TASP1: variants seen among roughly 807,000 people sequenced by gnomAD.
TASP1 encodes the protein taspase 1, also known as threonine aspartase 1.
Under a neutral mutation model 56.6 loss-of-function variants are expected in TASP1, and 16 were observed. That is an observed-to-expected ratio of 0.28 (90% CI 0.19 to 0.43). The LOEUF (loss-of-function observed/expected upper bound fraction) is 0.43. TASP1 is among the 20% of genes least tolerant of loss of function. The probability of loss-of-function intolerance (pLI) is 1.00; values close to 1 mark genes in which losing one functional copy is unlikely to be tolerated. For synonymous variants in TASP1, 179 were observed against 184.2 expected (o/e 0.97, Z 0.23); for missense variants, 393 against 511.6 (o/e 0.77, Z 2.24).
chr20:13,595,663 C>T (rs6033766), intron 4 of TASP1, among the ~76,000 whole-genome samples: 60,053 of 151,938 alleles, frequency 0.4, 12,447 homozygotes, highest in East Asian at 0.55. Flanking sequence ...ATCAATTCAA[C>T]AAAAAGAGCT....
intron 10 of TASP1, among the ~76,000 whole-genome samples, chr20:13,485,257 G>A (rs1239364124): frequency 6.6e-6 from 1 of 152,146 alleles, no homozygotes; most frequent in East Asian, 1.9e-4. Flanking sequence ...AGTCATAGCA[G>A]ATTAGAAATA....
At chr20:13,423,381 T>A (rs1156707068) in intron 12 of TASP1, among the ~76,000 whole-genome samples, 1 of 152,224 alleles carries the variant, frequency 6.6e-6, no homozygotes, top group Non-Finnish European at 1.5e-5. Flanking sequence ...CTTAACAATG[T>A]ATTGATCTCT....
the TASP1 span, among the ~76,000 whole-genome samples, chr20:13,308,901 T>G: frequency 6.6e-6 from 1 of 152,090 alleles, no homozygotes; most frequent in African/African-American, 2.4e-5. Flanking sequence ...TTCCACCATG[T>G]AAGCACAAAA....
chr20:13,131,729 C>G, the TASP1 span, among the ~76,000 whole-genome samples: 10 of 152,342 alleles, frequency 6.6e-5, 1 homozygote, highest in South Asian at 2.1e-3. Context: ...ATTCTCCCCA[C>G]TTTTGCTCTT....
At chr20:13,626,411 A>C (rs1389127933) in intron 2 of TASP1, among the ~76,000 whole-genome samples, 3 of 152,200 alleles carry the variant, frequency 2.0e-5, no homozygotes, top group African/African-American at 7.2e-5. Flanking sequence ...TACGCAACAG[A>C]GTGAGACTTT....
At chr20:13,345,277 G>A in the TASP1 span, among the ~76,000 whole-genome samples, 1 of 152,202 alleles carries the variant, frequency 6.6e-6, no homozygotes, top group Non-Finnish European at 1.5e-5. Flanking sequence ...GCAGTCATCA[G>A]AACGTGGGGA....
chr20:13,408,549 T>A (rs987327425), intron 13 of TASP1, among the ~76,000 whole-genome samples: 2 of 152,162 alleles, frequency 1.3e-5, no homozygotes, highest in African/African-American at 4.8e-5. Flanking sequence ...GCTTTGTTTT[T>A]CTGAAAGAAA....
At chr20:13,219,713 G>C in the TASP1 span, among the ~76,000 whole-genome samples, 1 of 152,132 alleles carries the variant, frequency 6.6e-6, no homozygotes, top group African/African-American at 2.4e-5. Context: ...CATCTTTAAG[G>C]AGGCAGCAAG....
At chr20:13,355,715 G>T in the TASP1 span, among the ~76,000 whole-genome samples, 1 of 152,186 alleles carries the variant, frequency 6.6e-6, no homozygotes, top group Non-Finnish European at 1.5e-5. Flanking sequence ...GTGCTCCATG[G>T]ACTGGCTCTG....
At chr20:13,441,683 A>C (rs1410936064) in intron 11 of TASP1, among the ~76,000 whole-genome samples, 2 of 152,230 alleles carry the variant, frequency 1.3e-5, no homozygotes, top group African/African-American at 2.4e-5. Context: ...TTAGCTGTGC[A>C]GAATGTAGTG....
At chr20:13,559,988 C>G (rs6079106) in intron 7 of TASP1, among the ~76,000 whole-genome samples, 49,624 of 151,990 alleles carry the variant, frequency 0.33, 8,708 homozygotes, top group Non-Finnish European at 0.38. Flanking sequence ...CACGTTTATG[C>G]TCAGAGAAAG....
At chr20:13,501,472 C>T (rs2043944854) in intron 10 of TASP1, among the ~76,000 whole-genome samples, 1 of 151,918 alleles carries the variant, frequency 6.6e-6, no homozygotes, top group African/African-American at 2.4e-5. Context: ...TTTTAAGTTT[C>T]TTGCATTGTC....
At chr20:13,508,201 T>C (rs1340607367) in intron 10 of TASP1, among the ~76,000 whole-genome samples, 1 of 151,938 alleles carries the variant, frequency 6.6e-6, no homozygotes, top group Non-Finnish European at 1.5e-5. Context: ...TTTTTTTTTT[T>C]TGATATGACA....
At chr20:13,552,319 G>C (rs1568573423) in intron 8 of TASP1, among the ~76,000 whole-genome samples, 1 of 152,144 alleles carries the variant, frequency 6.6e-6, no homozygotes, top group Admixed American at 6.5e-5. Flanking sequence ...ACTGTGCAAA[G>C]ACAGCAGGTG....
At chr20:13,399,206 T>C (rs1212085460) in intron 13 of TASP1, among the ~76,000 whole-genome samples, 2 of 152,164 alleles carry the variant, frequency 1.3e-5, no homozygotes, top group African/African-American at 2.4e-5. Flanking sequence ...AACTTATAAG[T>C]ACAAAATTTC....
At chr20:13,185,544 G>A in the TASP1 span, among the ~76,000 whole-genome samples, 1 of 152,056 alleles carries the variant, frequency 6.6e-6, no homozygotes, top group Non-Finnish European at 1.5e-5. Context: ...ATGGAATAAT[G>A]GCAGAATTGT....
the TASP1 span, among the ~76,000 whole-genome samples, chr20:13,380,931 C>T: frequency 1.3e-5 from 2 of 152,196 alleles, no homozygotes; most frequent in Non-Finnish European, 2.9e-5. Flanking sequence ...CTCCCCCCTC[C>T]AAGCTCAAGC....
chr20:13,146,672 T>C, the TASP1 span, among the ~76,000 whole-genome samples: 5 of 152,228 alleles, frequency 3.3e-5, no homozygotes, highest in African/African-American at 1.2e-4. Flanking sequence ...ATTTGATATC[T>C]GCCTTGCCTC....
chr20:13,293,423 T>C, the TASP1 span, among the ~76,000 whole-genome samples: 83 of 152,228 alleles, frequency 5.5e-4, no homozygotes, highest in Non-Finnish European at 1.0e-3. Flanking sequence ...CTGTCCCATA[T>C]CTTTTAGCTA....
Sources: gnomAD v4.1 joint callset for allele counts (sites outside exome capture counted in the v4.1 genomes callset) on GRCh38, gnomAD v4.1.1 for gene constraint, MANE v1.5 for transcripts, NCBI Gene and HGNC (gene_info 2026-07-23, HGNC 2026-07-21) for gene names.